Variants in STK33 observed in about 807,000 individuals in gnomAD.
The protein encoded by STK33 is serine/threonine-protein kinase 33.
STK33 carries 52 observed loss-of-function variants against 58.0 expected under a neutral mutation model. The observed-to-expected ratio is 0.90, with a 90% confidence interval of 0.72 to 1.13. The LOEUF is 1.13. Ranked by LOEUF, STK33 falls within the 50% of genes most tolerant of loss-of-function variation. The probability of loss-of-function intolerance (pLI) is 0.00; values close to 1 mark genes in which losing one functional copy is unlikely to be tolerated. For synonymous variants in STK33, 215 were observed against 200.1 expected (o/e 1.07, Z -0.63); for missense variants, 630 against 604.2 (o/e 1.04, Z -0.45).
chr11:8,558,920 A>G (rs961282469), intron 1 of STK33, among the ~76,000 whole-genome samples: 2 of 152,232 alleles, frequency 1.3e-5, no homozygotes, highest in African/African-American at 2.4e-5. Flanking sequence ...GCTAATGCCA[A>G]CTGGATACTG....
At chr11:8,440,889 T>C in intron 11 of STK33, 136 bp from the exon 12 acceptor site, 2 of 803,240 alleles carry the variant, frequency 2.5e-6, no homozygotes, top group East Asian at 5.5e-5. Context: ...ACAGCAGATC[T>C]TAAATGAATA....
chr11:8,451,603 A>AC (rs1179396427), intron 11 of STK33, among the ~76,000 whole-genome samples: 1 of 152,226 alleles, frequency 6.6e-6, no homozygotes, highest in Non-Finnish European at 1.5e-5. Flanking sequence ...TGGGACTGGG[A>AC]TAGGAATAAG....
At chr11:8,525,203 A>G (rs916382832) in intron 1 of STK33, among the ~76,000 whole-genome samples, 19 of 152,196 alleles carry the variant, frequency 1.2e-4, no homozygotes, top group African/African-American at 4.6e-4. Flanking sequence ...TAGGGATTCT[A>G]TAAGATCCCA....
rs936444241 is a variant in STK33 at position 8,594,088 on chromosome 11, C to T, written c.-471G>A. 5.3e-5 allele frequency: 8 copies of T among 152,306 alleles called. No homozygotes were observed. The highest frequency in any genetic ancestry group is 1.9e-4 in the African/African-American group (8 of 41,478). 9.4% of individuals were successfully genotyped at this position (152,306 alleles called of 1,614,324 possible). On this transcript the variant is annotated 5_prime_UTR_variant, in exon 1 of 16. Coordinates refer to ENST00000687296, the MANE Select transcript of STK33 (RefSeq NM_001352389.2). ...TGACTCCAGGGACCACTCACCGCGG[C>T]CGGCGGACTGGCGGGTCTCCGACAG...
chr11:8,382,668 T>A, the STK33 span, among the ~76,000 whole-genome samples: 2 of 152,150 alleles, frequency 1.3e-5, no homozygotes, highest in Non-Finnish European at 2.9e-5. Context: ...ACAGGTCCTG[T>A]GTGAGGTTGC....
chr11:8,354,053 G>A, the STK33 span, among the ~76,000 whole-genome samples: 1 of 152,168 alleles, frequency 6.6e-6, no homozygotes, highest in Non-Finnish European at 1.5e-5. Flanking sequence ...GGGCACGAGT[G>A]TCCTGCCCTG....
At chr11:8,364,985 G>A in the STK33 span, among the ~76,000 whole-genome samples, 1 of 149,608 alleles carries the variant, frequency 6.7e-6, no homozygotes, top group Non-Finnish European at 1.5e-5. Flanking sequence ...GAGCCTCTGA[G>A]CCACATCTAT....
intron 1 of STK33, among the ~76,000 whole-genome samples, chr11:8,527,128 C>CATATATATAT (rs147653240): frequency 1.0e-4 from 15 of 149,992 alleles, no homozygotes; most frequent in Non-Finnish European, 1.6e-4. Context: ...GCCCAGCTAA[C>CATATATATAT]ATATATATAT....
At chr11:8,507,976 T>G (rs971704621) in intron 1 of STK33, among the ~76,000 whole-genome samples, 3 of 152,186 alleles carry the variant, frequency 2.0e-5, no homozygotes, top group Admixed American at 2.0e-4. Context: ...CTGCAACTTC[T>G]GCCTCCCAGG....
At position 8,505,946 on chromosome 11, in the gene STK33, T is replaced by C. The variant is rs117983004; in HGVS notation, c.-465-25332A>G. Among the ~76,000 whole-genome samples the C allele has an allele frequency of 5.1e-4, 77 of 152,288 alleles. 1 individual carries two copies. The East Asian group carries it at 0.011, about 21-fold the overall frequency. ...TTACTTACACATAAAATGAAAAAAG[T>C]AGGACTAACTCACCACACTGTTGAG... On this transcript the variant is annotated intron_variant, in intron 1 of 15. Coordinates refer to ENST00000687296, the MANE Select transcript of STK33 (RefSeq NM_001352389.2).
intron 7 of STK33, among the ~76,000 whole-genome samples, chr11:8,463,306 C>T (rs1947795687): frequency 1.3e-5 from 2 of 152,172 alleles, no homozygotes; most frequent in Non-Finnish European, 1.5e-5. Context: ...TAGTTGGATT[C>T]TCATAAGGAG....
rs1212252397 is a variant in STK33 at position 8,475,052 on chromosome 11, A to AC, written c.-148_-147insG. On this transcript the variant is annotated 5_prime_UTR_variant, in exon 5 of 16. Transcript: ENST00000687296. The stretch of plus-strand genomic sequence containing the variant: ...CAGGTTAAGGATGCACTAGACACAT[A>AC]TTCACACGTGAGAGCTGCAGAAAGA... 52 of 594,972 alleles carry AC rather than the reference A, an allele frequency of 8.7e-5. No homozygotes were observed. Among genetic ancestry groups the AC allele is most frequent in the Non-Finnish European group, 1.2e-4 (44 of 353,198 alleles). 36.9% of individuals were successfully genotyped at this position (594,972 alleles called of 1,614,324 possible).
the STK33 span, among the ~76,000 whole-genome samples, chr11:8,362,904 C>T: frequency 2.0e-4 from 25 of 123,440 alleles, no homozygotes; most frequent in South Asian, 7.2e-4. Context: ...CTCTCTCTCT[C>T]CCTTCCTTCC....
chr11:8,351,611 T>C, the STK33 span, among the ~76,000 whole-genome samples: 3 of 152,208 alleles, frequency 2.0e-5, no homozygotes, highest in African/African-American at 7.2e-5. Flanking sequence ...ATTCCATCTC[T>C]CGACACCATT....
chr11:8,471,184 CT>C (rs1318437945), intron 6 of STK33, among the ~76,000 whole-genome samples: 6 of 152,106 alleles, frequency 3.9e-5, no homozygotes, highest in Admixed American at 1.3e-4. Flanking sequence ...TTTTCTTGTT[CT>C]TTAAAAGTTA....
intron 14 of STK33, among the ~76,000 whole-genome samples, chr11:8,424,497 T>A (rs1336799580): frequency 6.6e-6 from 1 of 151,884 alleles, no homozygotes; most frequent in East Asian, 1.9e-4. Context: ...CCTTTGGGTA[T>A]ATACCCAGTA....
chr11:8,344,946 A>T, the STK33 span, among the ~76,000 whole-genome samples: 1 of 152,186 alleles, frequency 6.6e-6, no homozygotes, highest in Admixed American at 6.5e-5. Context: ...ATGTGCCTCT[A>T]GAGCTGCCTC....
intron 11 of STK33, among the ~76,000 whole-genome samples, chr11:8,442,646 T>C (rs945886158): frequency 6.6e-6 from 1 of 152,186 alleles, no homozygotes; most frequent in Non-Finnish European, 1.5e-5. Context: ...CCCATGTAAC[T>C]ACAGACCAGA....
the STK33 span, among the ~76,000 whole-genome samples, chr11:8,379,579 G>A: frequency 6.6e-6 from 1 of 152,208 alleles, no homozygotes; most frequent in East Asian, 1.9e-4. Flanking sequence ...ATGCAAATTA[G>A]AACCACAATG....
Sources: allele counts gnomAD v4.1 joint callset (sites outside exome capture counted in the v4.1 genomes callset), GRCh38; gene constraint gnomAD v4.1.1; transcripts MANE v1.5; gene names NCBI Gene and HGNC (gene_info 2026-07-23, HGNC 2026-07-21).